Variants in SPAST observed in about 807,000 individuals in gnomAD.
SPAST encodes the protein spastic paraplegia 4 (autosomal dominant; spastin).
Under a neutral mutation model 76.6 loss-of-function variants are expected in SPAST, and 30 were observed. That is an observed-to-expected ratio of 0.39 (90% confidence interval 0.29 to 0.53). The LOEUF (loss-of-function observed/expected upper bound fraction) is 0.53, where lower values mean the gene tolerates loss of function less well. Ranked by LOEUF, SPAST falls within the 20% of genes least tolerant of loss-of-function variation. The probability of loss-of-function intolerance (pLI) is 0.68; values close to 1 mark genes in which losing one functional copy is unlikely to be tolerated. For synonymous variants in SPAST, 305 were observed against 281.0 expected (o/e 1.09, Z -0.86); for missense variants, 717 against 770.5 (o/e 0.93, Z 0.82).
In SPAST at chr2:32,115,588, A is replaced by T. The variant is rs536269763; in HGVS notation, c.871-114A>T. The T allele has an allele frequency of 6.6e-5, 50 of 752,110 alleles. No homozygotes were observed. The African/African-American group carries it at 7.4e-4, about 11-fold the overall frequency. 46.6% of individuals were successfully genotyped at this position (752,110 alleles called of 1,614,324 possible). A position where few individuals can be genotyped will look rare whatever the true frequency, so the allele number is the denominator to read the frequency against. On this transcript the variant is annotated intron_variant, in intron 5 of 16. Transcript: ENST00000315285. Reference sequence around the variant, plus strand: ...ATAAATATACAATTTATGGATTTTTATACCCTTTTTCCTATTTTTAAAGCT... The same window carrying T: ...ATAAATATACAATTTATGGATTTTTTTACCCTTTTTCCTATTTTTAAAGCT...
At chr2:32,089,326 A>T (rs930659210) in intron 2 of SPAST, among the ~76,000 whole-genome samples, 196 bp from the exon 3 acceptor site, 5 of 151,358 alleles carry the variant, frequency 3.3e-5, no homozygotes, top group African/African-American at 1.2e-4. Flanking sequence ...AGTGAGCCAC[A>T]ACACCTGGCC....
intron 7 of SPAST, chr2:32,126,638 C>A: frequency 4.5e-6 from 1 of 220,264 alleles, no homozygotes; most frequent in Non-Finnish European, 9.0e-6. Flanking sequence ...TCCAGCACAC[C>A]CAGCTAATTT....
chr2:32,075,611 G>T (rs1676928290), intron 1 of SPAST, among the ~76,000 whole-genome samples: 1 of 135,710 alleles, frequency 7.4e-6, no homozygotes. Context: ...CTGCAGTGGT[G>T]CAATCTCAGC....
intron 12 of SPAST, among the ~76,000 whole-genome samples, chr2:32,141,560 G>A (rs1042193437): frequency 9.2e-5 from 14 of 152,110 alleles, no homozygotes; most frequent in Non-Finnish European, 1.9e-4. Flanking sequence ...TACCTAGTTT[G>A]TTGATGAAGT....
At chr2:32,115,677 A>T (rs184153940) in intron 5 of SPAST, 25 bp from the exon 6 acceptor site, 9 of 1,555,948 alleles carry the variant, frequency 5.8e-6, no homozygotes, top group African/African-American at 1.4e-5. Context: ...TTGTATTTTC[A>T]TATTAAAATT....
At chr2:32,112,081 T>C (rs1055598748) in intron 4 of SPAST, among the ~76,000 whole-genome samples, 10 of 150,196 alleles carry the variant, frequency 6.7e-5, no homozygotes, top group African/African-American at 2.2e-4. Flanking sequence ...GCCTCCTGAG[T>C]AGCTGGGATT....
Position 32,137,200 on chromosome 2 carries a change from T to C in SPAST, c.1493+12T>C. 6.4e-7 allele frequency: 1 copy of C among 1,561,552 alleles called. No homozygotes were observed. Among genetic ancestry groups the C allele is most frequent in the Non-Finnish European group, 8.8e-7 (1 of 1,132,016 alleles). ...GAGGCTGTTCTCAGGTAGGGAGATT[T>C]ATATGGAAATACATGCATTTATTAC... On this transcript the variant is annotated intron_variant, in intron 12 of 16. Transcript: ENST00000315285.
intron 4 of SPAST, among the ~76,000 whole-genome samples, chr2:32,103,862 T>C (rs1165667181): frequency 6.6e-6 from 1 of 152,216 alleles, no homozygotes; most frequent in Non-Finnish European, 1.5e-5. Context: ...TCTTTTACAT[T>C]TGCTGAGGAG....
intron 12 of SPAST, among the ~76,000 whole-genome samples, chr2:32,139,778 G>A (rs1212685093): frequency 6.6e-5 from 10 of 151,018 alleles, no homozygotes; most frequent in African/African-American, 1.2e-4. Flanking sequence ...GCAGTGAGCC[G>A]AGATCGTGCC....
chr2:32,106,716 C>T (rs986719893), intron 4 of SPAST, among the ~76,000 whole-genome samples: 1 of 152,124 alleles, frequency 6.6e-6, no homozygotes, highest in African/African-American at 2.4e-5. Flanking sequence ...TTCACATCTC[C>T]CCTAAGGACT....
intron 9 of SPAST, chr2:32,129,352 G>A (rs1272372683): frequency 1.3e-5 from 2 of 151,464 alleles, no homozygotes; most frequent in African/African-American, 4.9e-5. Flanking sequence ...GACTCTCAAA[G>A]TGCTGGAATT....
At chr2:32,126,027 C>T (rs1679180248) in intron 7 of SPAST, among the ~76,000 whole-genome samples, 1 of 151,978 alleles carries the variant, frequency 6.6e-6, no homozygotes, top group Admixed American at 6.6e-5. Context: ...GATCTCCTGA[C>T]CTCGTGATCC....
intron 15 of SPAST, among the ~76,000 whole-genome samples, chr2:32,146,338 C>T (rs942571407): frequency 6.6e-6 from 1 of 152,042 alleles, no homozygotes; most frequent in Admixed American, 6.6e-5. Flanking sequence ...GTGGGAGGAT[C>T]GTGTGGGCCT....
chr2:32,090,653 CTT>C (rs1201329467), intron 3 of SPAST, among the ~76,000 whole-genome samples: 1 of 152,104 alleles, frequency 6.6e-6, no homozygotes, highest in African/African-American at 2.4e-5. Context: ...CCGTATGTCT[CTT>C]TTAATGTACA....
At chr2:32,081,271 T>C (rs1465879545) in intron 1 of SPAST, among the ~76,000 whole-genome samples, 1 of 151,462 alleles carries the variant, frequency 6.6e-6, no homozygotes, top group Non-Finnish European at 1.5e-5. Flanking sequence ...TTTGTGTGTG[T>C]TTTCAGTAGA....
intron 7 of SPAST, among the ~76,000 whole-genome samples, chr2:32,118,922 C>A (rs1480246093): frequency 6.6e-6 from 1 of 152,108 alleles, no homozygotes; most frequent in Non-Finnish European, 1.5e-5. Flanking sequence ...TAATAAGTAA[C>A]ATGTGAATTT....
chr2:32,151,865 C>A (rs564917054), intron 16 of SPAST, among the ~76,000 whole-genome samples: 8 of 150,628 alleles, frequency 5.3e-5, no homozygotes, highest in Non-Finnish European at 8.8e-5. Flanking sequence ...GAGCTGAGAT[C>A]GTACCACTGC....
chr2:32,068,424 C>G (rs554307464), intron 1 of SPAST, among the ~76,000 whole-genome samples: 1 of 151,594 alleles, frequency 6.6e-6, no homozygotes, highest in Non-Finnish European at 1.5e-5. Context: ...CAGGTTCAAG[C>G]GATTCTCCTG....
At chr2:32,144,729 CA>C (rs796810255) in intron 14 of SPAST, among the ~76,000 whole-genome samples, 13 of 148,514 alleles carry the variant, frequency 8.8e-5, no homozygotes, top group Non-Finnish European at 1.5e-4. Context: ...ATACTAAATA[CA>C]AAAAAAAAAT....
Sources: gnomAD v4.1 joint callset for allele counts (sites outside exome capture counted in the v4.1 genomes callset) on GRCh38, gnomAD v4.1.1 for gene constraint, MANE v1.5 for transcripts, NCBI Gene and HGNC (gene_info 2026-07-23, HGNC 2026-07-21) for gene names.